Variants in WWOX observed in about 807,000 individuals in gnomAD.
WWOX encodes the protein WW domain containing oxidoreductase, also known as WW domain-containing oxidoreductase.
WWOX carries 69 observed loss-of-function variants against 46.2 expected under a neutral mutation model. The ratio of observed to expected loss-of-function variants is 1.49; its 90% CI spans 1.23 to 1.82. The LOEUF (loss-of-function observed/expected upper bound fraction) is 1.82, where lower values mean the gene tolerates loss of function less well. Among genes scored for constraint, WWOX ranks in the 40% most tolerant of loss-of-function variants. The pLI is 0.00. For synonymous variants in WWOX, 359 were observed against 202.6 expected (o/e 1.77, Z -6.56); for missense variants, 919 against 542.6 (o/e 1.69, Z -6.89).
At chr16:78,737,317 G>GTACAGA (rs1286679594) in intron 8 of WWOX, among the ~76,000 whole-genome samples, 4 of 150,074 alleles carry the variant, frequency 2.7e-5, no homozygotes, top group African/African-American at 7.4e-5. Context: ...ATATTTTTTA[G>GTACAGA]TACAGATGCG....
intron 8 of WWOX, among the ~76,000 whole-genome samples, chr16:78,961,571 C>A (rs911477707): frequency 6.6e-6 from 1 of 151,580 alleles, no homozygotes; most frequent in Non-Finnish European, 1.5e-5. Context: ...TTGGTGGGTG[C>A]ATGGATGGGT....
In WWOX at chr16:78,386,857, C is replaced by T; in HGVS notation, c.517-3C>T. The T allele has an allele frequency of 6.2e-7, 1 of 1,613,142 alleles. No individual in the cohort carries two copies. ...CATTTCTTTTTATTTTCTCTCATTG[C>T]AGCATAAAGCCAAGGTAGAAGCAAT... On this transcript the variant is annotated splice_polypyrimidine_tract_variant and splice_region_variant and intron_variant, in intron 5 of 8. Transcript: ENST00000566780.
intron 8 of WWOX, among the ~76,000 whole-genome samples, chr16:78,631,080 T>C (rs1234701949): frequency 6.6e-6 from 1 of 152,198 alleles, no homozygotes; most frequent in East Asian, 1.9e-4. Context: ...TGATTTAAAG[T>C]GTACAGGAGC....
chr16:78,883,245 C>T (rs777542045), intron 8 of WWOX, among the ~76,000 whole-genome samples: 4 of 152,168 alleles, frequency 2.6e-5, no homozygotes, highest in Non-Finnish European at 5.9e-5. Flanking sequence ...TGAACTTCAG[C>T]AAGCTCCTGA....
intron 5 of WWOX, among the ~76,000 whole-genome samples, chr16:78,283,000 G>A (rs1392883447): frequency 6.6e-6 from 1 of 151,976 alleles, no homozygotes; most frequent in Non-Finnish European, 1.5e-5. Flanking sequence ...AGCAGAGTTG[G>A]TCCTGACTGA....
At chr16:78,569,564 C>A (rs964030781) in intron 8 of WWOX, among the ~76,000 whole-genome samples, 1 of 152,122 alleles carries the variant, frequency 6.6e-6, no homozygotes, top group African/African-American at 2.4e-5. Flanking sequence ...ATGAAATTTA[C>A]ACCTTTTCAA....
At chr16:78,750,900 G>A (rs183358153) in intron 8 of WWOX, among the ~76,000 whole-genome samples, 1 of 152,010 alleles carries the variant, frequency 6.6e-6, no homozygotes. Context: ...ACCATTGATG[G>A]GCACTTAGGA....
chr16:79,212,306 G>A lies in WWOX; in HGVS notation c.*510G>A. ...CTGAGCCAGCTTAGCAACTGCTGGG[G>A]AGACAAATCTCAGAACCTTGTCCCA... On this transcript the variant is annotated 3_prime_UTR_variant, in exon 9 of 9. Coordinates refer to ENST00000566780, the MANE Select transcript of WWOX (RefSeq NM_016373.4). 4.3e-6 allele frequency: 4 copies of A among 922,886 alleles called. 1 individual carries two copies. The South Asian group carries it at 5.7e-5, about 13-fold the overall frequency. 57.2% of individuals were successfully genotyped at this position (922,886 alleles called of 1,614,324 possible).
At chr16:78,840,934 C>T (rs1179678410) in intron 8 of WWOX, among the ~76,000 whole-genome samples, 2 of 151,994 alleles carry the variant, frequency 1.3e-5, no homozygotes, top group Admixed American at 1.3e-4. Context: ...GGACTATTGC[C>T]AGTGGAGGGG....
intron 8 of WWOX, among the ~76,000 whole-genome samples, chr16:79,049,457 C>G (rs933841531): frequency 2.0e-5 from 3 of 152,134 alleles, no homozygotes; most frequent in African/African-American, 7.2e-5. Context: ...CAGCTGTCAC[C>G]CATTTGCAGC....
intron 8 of WWOX, among the ~76,000 whole-genome samples, chr16:78,870,960 C>T (rs1207616231): frequency 6.6e-6 from 1 of 152,140 alleles, no homozygotes; most frequent in East Asian, 1.9e-4. Flanking sequence ...TTACCACAAC[C>T]ACCAGAGTCT....
intron 8 of WWOX, among the ~76,000 whole-genome samples, chr16:78,660,968 A>G (rs561418965): frequency 2.6e-5 from 4 of 152,296 alleles, no homozygotes; most frequent in South Asian, 2.1e-4. Flanking sequence ...GTCATTTAAT[A>G]TATTCATTCC....
At chr16:78,888,668 T>C (rs2044520160) in intron 8 of WWOX, among the ~76,000 whole-genome samples, 1 of 152,186 alleles carries the variant, frequency 6.6e-6, no homozygotes, top group Non-Finnish European at 1.5e-5. Flanking sequence ...AGGAGTCTTC[T>C]GAGATGCTCT....
intron 8 of WWOX, among the ~76,000 whole-genome samples, chr16:78,451,776 T>G (rs1401217995): frequency 6.6e-6 from 1 of 152,190 alleles, no homozygotes; most frequent in East Asian, 1.9e-4. Context: ...TACAGACACT[T>G]ATTGTCAAAG....
chr16:79,092,396 CA>C (rs1181120266), intron 8 of WWOX, among the ~76,000 whole-genome samples: 1 of 152,138 alleles, frequency 6.6e-6, no homozygotes, highest in Non-Finnish European at 1.5e-5. Context: ...TTAATAAAGC[CA>C]GAGGCGATAT....
At chr16:78,650,305 T>G (rs1220239405) in intron 8 of WWOX, among the ~76,000 whole-genome samples, 1 of 152,238 alleles carries the variant, frequency 6.6e-6, no homozygotes, top group Non-Finnish European at 1.5e-5. Flanking sequence ...TTTTTGTCTT[T>G]CAGAATAACA....
intron 5 of WWOX, among the ~76,000 whole-genome samples, chr16:78,378,054 A>T (rs1490063940): frequency 6.6e-6 from 1 of 152,050 alleles, no homozygotes; most frequent in African/African-American, 2.4e-5. Context: ...TGGATGGTTG[A>T]TTTGAAGGTT....
At chr16:78,363,544 G>T (rs1357589197) in intron 5 of WWOX, among the ~76,000 whole-genome samples, 2 of 152,126 alleles carry the variant, frequency 1.3e-5, no homozygotes, top group East Asian at 3.9e-4. Flanking sequence ...CTCCCAAAGT[G>T]CTGGGAATAC....
intron 8 of WWOX, among the ~76,000 whole-genome samples, chr16:79,076,984 T>C (rs1198567826): frequency 6.6e-6 from 1 of 152,206 alleles, no homozygotes; most frequent in African/African-American, 2.4e-5. Context: ...AGGTCAATTA[T>C]TAGGTTGAAC....
Sources: allele counts gnomAD v4.1 joint callset (sites outside exome capture counted in the v4.1 genomes callset), GRCh38; gene constraint gnomAD v4.1.1; transcripts MANE v1.5; gene names NCBI Gene and HGNC (gene_info 2026-07-23, HGNC 2026-07-21).